The following PCDH9 variants were observed in gnomAD, a reference collection of about 807,000 sequenced individuals.
PCDH9 encodes the protein protocadherin-9.
A neutral mutation model predicts 70.6 loss-of-function variants in PCDH9; 24 were observed. That is an observed-to-expected ratio of 0.34 (90% CI 0.25 to 0.48). The LOEUF (loss-of-function observed/expected upper bound fraction) is 0.48. PCDH9 is among the 20% of genes least tolerant of loss of function. The probability of loss-of-function intolerance (pLI) is 0.99; values close to 1 mark genes in which losing one functional copy is unlikely to be tolerated. For synonymous variants in PCDH9, 562 were observed against 558.5 expected (o/e 1.01, Z -0.09); for missense variants, 1,281 against 1,503.6 (o/e 0.85, Z 2.45).
intron 4 of PCDH9, among the ~76,000 whole-genome samples, chr13:66,398,292 G>T (rs1181366551): frequency 6.6e-6 from 1 of 151,902 alleles, no homozygotes; most frequent in South Asian, 2.1e-4. Flanking sequence ...GACATTTCTT[G>T]AATTATTGTA....
At chr13:66,443,844 A>C (rs1443221303) in intron 4 of PCDH9, among the ~76,000 whole-genome samples, 1 of 152,216 alleles carries the variant, frequency 6.6e-6, no homozygotes, top group Non-Finnish European at 1.5e-5. Flanking sequence ...AGTTATACAT[A>C]ATGCAAATTA....
chr13:66,311,281 A>C (rs923198678), intron 4 of PCDH9, among the ~76,000 whole-genome samples: 1 of 152,026 alleles, frequency 6.6e-6, no homozygotes, highest in African/African-American at 2.4e-5. Context: ...GTATCTCCAG[A>C]ATACTAACAC....
intron 3 of PCDH9, among the ~76,000 whole-genome samples, chr13:66,837,089 G>A (rs1295218944): frequency 6.6e-6 from 1 of 152,188 alleles, no homozygotes; most frequent in African/African-American, 2.4e-5. Context: ...CTCACGCATG[G>A]ATGGAATTGC....
At position 66,723,946 on chromosome 13, in the gene PCDH9, A is replaced by G. The variant is rs532855193; in HGVS notation, c.3139-92535T>C. Among the ~76,000 whole-genome samples the G allele has an allele frequency of 7.9e-5, 12 of 152,324 alleles. No individual in the cohort carries two copies. The South Asian group carries it at 2.1e-3, about 26-fold the overall frequency. ...GATAGTCCTTTAAAATGTAAAGTAC[A>G]TGGTTTTCCTTAATTGGAAGTTATT... On this transcript the variant is annotated intron_variant, in intron 3 of 4. Coordinates refer to ENST00000377865, the MANE Select transcript of PCDH9 (RefSeq NM_203487.3).
At chr13:67,127,076 G>T (rs956052769) in intron 2 of PCDH9, among the ~76,000 whole-genome samples, 3 of 152,106 alleles carry the variant, frequency 2.0e-5, no homozygotes, top group Non-Finnish European at 4.4e-5. Context: ...AATTATGGTT[G>T]CCCCATGATG....
intron 3 of PCDH9, among the ~76,000 whole-genome samples, chr13:66,902,121 G>T (rs953750692): frequency 6.6e-6 from 1 of 151,434 alleles, no homozygotes; most frequent in African/African-American, 2.4e-5. Flanking sequence ...ACAGTGAAGA[G>T]GAAAAAATCA....
chr13:67,205,150 T>G (rs2089307184), intron 2 of PCDH9: 1 of 152,198 alleles, frequency 6.6e-6, no homozygotes, highest in African/African-American at 2.4e-5. Context: ...GTCTTTGAGT[T>G]CATGTCTAAG....
At chr13:66,507,909 G>C (rs1156721711) in intron 4 of PCDH9, among the ~76,000 whole-genome samples, 1 of 152,030 alleles carries the variant, frequency 6.6e-6, no homozygotes, top group East Asian at 1.9e-4. Flanking sequence ...TTTTAGTAGA[G>C]ACAGGGTTTC....
chr13:66,669,428 C>CT (rs143730657), intron 3 of PCDH9, among the ~76,000 whole-genome samples: 3,844 of 152,014 alleles, frequency 0.025, 140 homozygotes, highest in African/African-American at 0.079. Context: ...AGTCTTCTAT[C>CT]TTTTTTTTGT....
intron 3 of PCDH9, among the ~76,000 whole-genome samples, chr13:66,891,816 A>ATT (rs112732868): frequency 1.6e-4 from 23 of 147,694 alleles, no homozygotes; most frequent in African/African-American, 5.4e-4. Flanking sequence ...CATGTATTCC[A>ATT]TTTTTTTTTT....
intron 4 of PCDH9, among the ~76,000 whole-genome samples, chr13:66,557,816 A>T (rs1485330757): frequency 6.6e-6 from 1 of 152,196 alleles, no homozygotes; most frequent in Non-Finnish European, 1.5e-5. Flanking sequence ...ATAGGATTGT[A>T]TGCAAAGGTT....
chr13:66,728,807 G>A (rs1042901230), intron 3 of PCDH9, among the ~76,000 whole-genome samples: 1 of 151,818 alleles, frequency 6.6e-6, no homozygotes, highest in African/African-American at 2.4e-5. Context: ...TTTGATAAAG[G>A]TCCTTGATAC....
At chr13:66,466,214 T>C (rs539891859) in intron 4 of PCDH9, among the ~76,000 whole-genome samples, 2 of 151,876 alleles carry the variant, frequency 1.3e-5, no homozygotes, top group East Asian at 3.9e-4. Flanking sequence ...TCCTTCTCTG[T>C]CAGTCCTCCC....
chr13:66,516,719 T>C (rs1227192764), intron 4 of PCDH9, among the ~76,000 whole-genome samples: 1 of 151,510 alleles, frequency 6.6e-6, no homozygotes, highest in Non-Finnish European at 1.5e-5. Context: ...ATCCGAAATC[T>C]CTCTCTCTCT....
intron 4 of PCDH9, among the ~76,000 whole-genome samples, chr13:66,337,303 A>C (rs967780591): frequency 2.0e-5 from 3 of 152,068 alleles, no homozygotes; most frequent in African/African-American, 7.2e-5. Flanking sequence ...CCTGAAAATT[A>C]TTCCCTGATA....
At chr13:66,370,536 G>A (rs1178132622) in intron 4 of PCDH9, among the ~76,000 whole-genome samples, 1 of 147,598 alleles carries the variant, frequency 6.8e-6, no homozygotes, top group African/African-American at 2.5e-5. Flanking sequence ...TTTGAGACAG[G>A]GTTTCCTTCT....
intron 2 of PCDH9, among the ~76,000 whole-genome samples, chr13:66,957,910 G>A (rs1012203733): frequency 1.3e-5 from 2 of 152,032 alleles, no homozygotes; most frequent in South Asian, 2.1e-4. Context: ...AAATACAAAG[G>A]GAGTTATTAG....
intron 4 of PCDH9, among the ~76,000 whole-genome samples, chr13:66,337,210 A>T (rs1396394958): frequency 6.6e-6 from 1 of 152,068 alleles, no homozygotes; most frequent in Non-Finnish European, 1.5e-5. Context: ...AAATACTAAA[A>T]ATAACATGAG....
intron 4 of PCDH9, among the ~76,000 whole-genome samples, chr13:66,627,110 C>T (rs2077509725): frequency 6.6e-6 from 1 of 151,996 alleles, no homozygotes; most frequent in African/African-American, 2.4e-5. Context: ...GAAATTAGTA[C>T]CAGCTCTCAG....
Sources: allele counts gnomAD v4.1 joint callset (sites outside exome capture counted in the v4.1 genomes callset), GRCh38; gene constraint gnomAD v4.1.1; transcripts MANE v1.5; gene names NCBI Gene and HGNC (gene_info 2026-07-23, HGNC 2026-07-21).